Variants in MTHFD1L observed in about 807,000 individuals in gnomAD.
The protein encoded by MTHFD1L is methylenetetrahydrofolate dehydrogenase (NADP+ dependent) 1 like.
MTHFD1L carries 81 observed loss-of-function variants against 119.5 expected under a neutral mutation model. That is an observed-to-expected ratio of 0.68 (90% CI 0.57 to 0.82). The LOEUF is 0.82. Ranked by LOEUF, MTHFD1L falls within the 40% of genes least tolerant of loss-of-function variation. MTHFD1L has a pLI of 0.00. For missense variants in MTHFD1L, 1,125 were observed against 1,253.4 expected (o/e 0.90, Z 1.55); for synonymous variants, 430 against 475.2 (o/e 0.90, Z 1.24).
chr6:151,099,785 T>C, intron 27 of MTHFD1L: 1 of 1,607,710 alleles, frequency 6.2e-7, no homozygotes, highest in Non-Finnish European at 8.5e-7. Context: ...GAGCTGGAAG[T>C]GCTGCTGATG....
At chr6:150,964,456 G>T (rs1192335028) in intron 18 of MTHFD1L, among the ~76,000 whole-genome samples, 1 of 152,186 alleles carries the variant, frequency 6.6e-6, no homozygotes, top group Non-Finnish European at 1.5e-5. Flanking sequence ...TTTAAACGTG[G>T]TAGTTTGTTG....
intron 13 of MTHFD1L, among the ~76,000 whole-genome samples, chr6:150,941,429 T>C (rs565144267): frequency 6.6e-6 from 1 of 152,140 alleles, no homozygotes; most frequent in Non-Finnish European, 1.5e-5. Flanking sequence ...ACAATGCAGA[T>C]TGAGTTTTAT....
chr6:150,922,437 A>G (rs1789122160), intron 10 of MTHFD1L, 135 bp downstream of exon 10: 1 of 539,546 alleles, frequency 1.9e-6, no homozygotes, highest in Admixed American at 3.2e-5. Flanking sequence ...TTAAATTGCC[A>G]CCCTATTTTC....
At chr6:150,938,168 C>T (rs1792446067) in intron 12 of MTHFD1L, among the ~76,000 whole-genome samples, 1 of 152,122 alleles carries the variant, frequency 6.6e-6, no homozygotes, top group Non-Finnish European at 1.5e-5. Flanking sequence ...CAGGCACCCG[C>T]CACCATGCCT....
chr6:151,085,757 C>G (rs1007567158), intron 26 of MTHFD1L, among the ~76,000 whole-genome samples: 1 of 125,712 alleles, frequency 8.0e-6, no homozygotes, highest in Admixed American at 8.7e-5. Flanking sequence ...GGCGACAGAG[C>G]GAGACTCTGT....
At chr6:151,002,490 G>A (rs1278818528) in intron 20 of MTHFD1L, among the ~76,000 whole-genome samples, 2 of 152,136 alleles carry the variant, frequency 1.3e-5, no homozygotes, top group Non-Finnish European at 2.9e-5. Context: ...TGCACATTGA[G>A]CGGTAAGGCG....
chr6:150,982,132 G>A (rs1327387302), intron 20 of MTHFD1L, among the ~76,000 whole-genome samples: 1 of 151,354 alleles, frequency 6.6e-6, no homozygotes, highest in Non-Finnish European at 1.5e-5. Context: ...GGGAGAGAGA[G>A]AGATAATACT....
At position 151,034,542 on chromosome 6, in the gene MTHFD1L, C is replaced by G; in HGVS notation, c.2636C>G (p.Ala879Gly). 1 of 1,611,808 alleles carries G rather than the reference C, an allele frequency of 6.2e-7. No homozygotes were observed. Among genetic ancestry groups the G allele is most frequent in the Non-Finnish European group, 8.5e-7 (1 of 1,179,760 alleles). Residue 879 changes from alanine (A) to glycine (G), a missense_variant, in exon 25 of 28, where the codon GCC becomes GGC. Around this residue, in one of 3 missense-constraint regions of MTHFD1L, gnomAD observed 1,058 missense variants for 1,151.2 expected, o/e 0.92. Transcript: ENST00000367321. ...IRTIAQAVYG[A>G]KDIELSPEAQ... ...ACCATTGCTCAGGCTGTCTATGGAG[C>G]CAAAGATATTGAACTCTCTCCTGAG...
chr6:150,968,570 T>C (rs1797566669), intron 19 of MTHFD1L, among the ~76,000 whole-genome samples: 1 of 152,152 alleles, frequency 6.6e-6, no homozygotes, highest in Non-Finnish European at 1.5e-5. Flanking sequence ...AGTGCAATGG[T>C]GGGATCTCGG....
At chr6:150,900,300 A>G (rs941785574) in intron 7 of MTHFD1L, among the ~76,000 whole-genome samples, 5 of 152,056 alleles carry the variant, frequency 3.3e-5, no homozygotes, top group Admixed American at 3.3e-4. Flanking sequence ...CTTTTCCCTT[A>G]GCCTGAATGA....
intron 8 of MTHFD1L, among the ~76,000 whole-genome samples, chr6:150,911,540 G>T (rs1390346116): frequency 6.6e-6 from 1 of 152,092 alleles, no homozygotes; most frequent in Admixed American, 6.6e-5. Flanking sequence ...TATGATGCTG[G>T]CATTTGCTTG....
At chr6:150,866,353 G>A (rs1324749855) in intron 1 of MTHFD1L, 6 of 1,426,612 alleles carry the variant, frequency 4.2e-6, no homozygotes, top group South Asian at 2.9e-5. Context: ...CCGGCCGCCG[G>A]CTCTGATGCA....
At chr6:151,049,266 C>T (rs1268089543) in intron 26 of MTHFD1L, among the ~76,000 whole-genome samples, 2 of 152,158 alleles carry the variant, frequency 1.3e-5, no homozygotes, top group African/African-American at 4.8e-5. Context: ...CCGAGGCAGG[C>T]AGATCACGAG....
chr6:151,063,636 A>G (rs1790891512), intron 26 of MTHFD1L, among the ~76,000 whole-genome samples: 1 of 152,340 alleles, frequency 6.6e-6, no homozygotes, highest in African/African-American at 2.4e-5. Context: ...CTAGCATAGC[A>G]TGTTTCTTTT....
chr6:150,899,980 T>C (rs542618830), intron 7 of MTHFD1L, among the ~76,000 whole-genome samples: 1 of 147,922 alleles, frequency 6.8e-6, no homozygotes, highest in Non-Finnish European at 1.5e-5. Context: ...CAAAAAAAAA[T>C]AGATATATAT....
intron 26 of MTHFD1L, among the ~76,000 whole-genome samples, chr6:151,091,052 C>T (rs113537865): frequency 5.8e-4 from 61 of 105,706 alleles, no homozygotes; most frequent in East Asian, 1.7e-3. Flanking sequence ...TCGCCCCATG[C>T]GACTGGGTGC....
intron 13 of MTHFD1L, among the ~76,000 whole-genome samples, chr6:150,942,974 A>G (rs1407419468): frequency 1.3e-5 from 2 of 152,192 alleles, no homozygotes; most frequent in South Asian, 2.1e-4. Flanking sequence ...TCAAAAAGCA[A>G]TTTGGTGATA....
chr6:151,012,099 GCTCCAGTAGTACCTTCTGC>G (rs914715084), intron 21 of MTHFD1L, among the ~76,000 whole-genome samples: 1 of 149,194 alleles, frequency 6.7e-6, no homozygotes, highest in Non-Finnish European at 1.5e-5. Context: ...CCTCTCCTGG[GCTCCAGTAGTACCTTCTGC>G]CTCACATTGT....
At chr6:151,023,432 A>G (rs1473276534) in intron 24 of MTHFD1L, among the ~76,000 whole-genome samples, 2 of 152,106 alleles carry the variant, frequency 1.3e-5, no homozygotes, top group Non-Finnish European at 2.9e-5. Flanking sequence ...ACTGGCTTCT[A>G]GGTTCTTTAT....
Sources: allele counts gnomAD v4.1 joint callset (sites outside exome capture counted in the v4.1 genomes callset), GRCh38; gene constraint gnomAD v4.1.1; regional missense constraint gnomAD v4.1.1; transcripts MANE v1.5; gene names NCBI Gene and HGNC (gene_info 2026-07-23, HGNC 2026-07-21).